CFAP74: variants seen among roughly 807,000 people sequenced by gnomAD.
CFAP74 encodes cilia- and flagella-associated protein 74.
CFAP74 carries 124 observed loss-of-function variants against 188.9 expected under a neutral mutation model. The observed-to-expected ratio is 0.66, with a 90% CI of 0.57 to 0.76. The LOEUF (loss-of-function observed/expected upper bound fraction) is 0.76. CFAP74 is among the 30% of genes least tolerant of loss of function. The probability of loss-of-function intolerance (pLI) is 0.00; values close to 1 mark genes in which losing one functional copy is unlikely to be tolerated. For missense variants in CFAP74, 2,198 were observed against 2,165.2 expected (o/e 1.02, Z -0.30); for synonymous variants, 956 against 916.7 (o/e 1.04, Z -0.77).
At position 1,965,010 on chromosome 1, in the gene CFAP74, T is replaced by C. The variant is rs1473228810; in HGVS notation, c.1453A>G (p.Lys485Glu). 1.2e-6 allele frequency: 2 copies of C among 1,613,876 alleles called. No individual in the cohort carries two copies. The highest frequency in any genetic ancestry group is 8.5e-7 in the Non-Finnish European group (1 of 1,179,900). The change falls in exon 13 of 39, where the codon AAG becomes GAG. Residue 485 changes from lysine (K) to glutamate (E), a missense_variant. Lys to Glu is a moderately conservative substitution (Grantham distance 56, BLOSUM62 1). Transcript: ENST00000682832. ...TCCACCGTGCGCTCCAGGATGTCCT[T>C]GTCCATCTTTGTCCCGCCCACGGGC... is the stretch of plus-strand genomic sequence containing the variant. ...RKPVGGTKMD[K>E]DILERTVERL...
chr1:1,923,145 G>A lies in CFAP74; in HGVS notation c.4523C>T (p.Ala1508Val). The change falls in exon 37 of 39, where the codon GCC becomes GTC. Residue 1508 changes from alanine to valine, a missense_variant and splice_region_variant. Coordinates refer to ENST00000682832, the MANE Select transcript of CFAP74 (RefSeq NM_001304360.2). This position sits in a 1 kb window ranked among gnomAD's most constrained non-coding sequence, Gnocchi z 6.3. ...AGAGAGAGGGCCTGGCCGGGAGCTG[G>A]CTGGAGGGGTGTGGCCAGGGGAGCT... ...IPVFDPRHRE[A>V]SSRPGPLSPE... 6.2e-7 allele frequency: 1 copy of A among 1,606,120 alleles called. No individual in the cohort carries two copies. Among genetic ancestry groups the A allele is most frequent in the East Asian group, 2.2e-5 (1 of 44,760 alleles).
chr1:1,952,835 T>G (rs1304014183), intron 18 of CFAP74, among the ~76,000 whole-genome samples: 3 of 152,064 alleles, frequency 2.0e-5, no homozygotes, highest in Non-Finnish European at 4.4e-5. Context: ...AAAAAAAACT[T>G]TTAGTAGAGA....
rs190518793 is a variant in CFAP74, at chr1:1,966,671, A to G, written c.1246-145T>C. The G allele has an allele frequency of 1.1e-5, 6 of 564,952 alleles. No individual in the cohort carries two copies. In the African/African-American group the frequency reaches 1.2e-4, roughly 11 times the overall value. The allele number at this position is 564,952 out of a possible 1,614,324, so 35.0% of individuals were successfully genotyped here. A position where few individuals can be genotyped will look rare whatever the true frequency, so the allele number is the denominator to read the frequency against. On this transcript the variant is annotated intron_variant, in intron 11 of 38. Transcript: ENST00000682832. ...ACTCTGCATGGAGATAGCGGTGCACACGGTTTTGTAACTTTTTCTACTTGA... is the reference window on the plus strand; with the variant it reads ...ACTCTGCATGGAGATAGCGGTGCACGCGGTTTTGTAACTTTTTCTACTTGA...
chr1:1,963,898 C>G, intron 13 of CFAP74, 31 bp from the exon 14 acceptor site: 1 of 1,454,774 alleles, frequency 6.9e-7, no homozygotes, highest in South Asian at 1.1e-5. Flanking sequence ...AGCTTCAGAG[C>G]GGGTCACAGG....
At chr1:1,948,930 T>TTCC (rs1558014861) in intron 18 of CFAP74, among the ~76,000 whole-genome samples, 1 of 13,712 alleles carries the variant, frequency 7.3e-5, no homozygotes, top group Non-Finnish European at 1.9e-4. Context: ...CCTTCCTTCC[T>TTCC]CTTTCCTCCC....
intron 18 of CFAP74, among the ~76,000 whole-genome samples, chr1:1,952,043 C>T (rs1013793070): frequency 4.6e-5 from 7 of 152,192 alleles, no homozygotes; most frequent in African/African-American, 1.7e-4. Flanking sequence ...CCTCCACCTC[C>T]CCGCTTCAAG....
At chr1:1,930,368 G>A (rs1480927645) in intron 25 of CFAP74, 32 bp from the exon 26 acceptor site, 23 of 1,490,346 alleles carry the variant, frequency 1.5e-5, no homozygotes, top group Middle Eastern at 1.7e-4. Context: ...GCCCTCAGCC[G>A]TGCAGGGCGT....
At chr1:1,978,691 GC>G (rs1396158637) in intron 6 of CFAP74, among the ~76,000 whole-genome samples, 1 of 152,186 alleles carries the variant, frequency 6.6e-6, no homozygotes, top group Non-Finnish European at 1.5e-5. Flanking sequence ...CTTGACTTTA[GC>G]CCAGTGGGAC....
chr1:1,941,483 C>T (rs948203917), intron 22 of CFAP74, among the ~76,000 whole-genome samples: 25 of 152,186 alleles, frequency 1.6e-4, no homozygotes, highest in African/African-American at 6.0e-4. Context: ...CTGGGAAGAG[C>T]CTTGGATTAG....
chr1:1,930,734 A>C (rs1167742580), intron 25 of CFAP74, among the ~76,000 whole-genome samples: 1 of 152,184 alleles, frequency 6.6e-6, no homozygotes, highest in Non-Finnish European at 1.5e-5. Flanking sequence ...CTAAAAATTT[A>C]ATCACAAGTT....
In CFAP74 at chr1:1,925,809, C is replaced by T. The variant is rs140276373; in HGVS notation, c.4078G>A (p.Gly1360Arg). Residue 1360 changes from glycine to arginine, a missense_variant, in exon 33 of 39, where the codon GGA becomes AGA. By Grantham distance (125) the Gly-to-Arg change is moderately radical. Transcript: ENST00000682832. ...SVLNMGYVIA[G>R]ESVSSGFKLQ... ...TTGAAGCCTGAGGACACAGACTCTCCGGCAATCACATAGCCCATGTTGAGG... is the reference window on the plus strand; with the variant it reads ...TTGAAGCCTGAGGACACAGACTCTCTGGCAATCACATAGCCCATGTTGAGG... 4.6e-5 allele frequency: 74 copies of T among 1,612,404 alleles called. No homozygotes were observed. The East Asian group carries it at 6.7e-4, about 15-fold the overall frequency.
intron 15 of CFAP74, 96 bp from the exon 16 acceptor site, chr1:1,959,305 G>A: frequency 3.8e-6 from 3 of 793,784 alleles, no homozygotes; most frequent in Non-Finnish European, 6.2e-6. Context: ...TGGCCAGGCT[G>A]GGGTGCAGTG....
rs767887248 is a variant in CFAP74, at chr1:1,963,818, G to T, written c.1625C>A (p.Thr542Asn). 1 of 1,613,878 alleles carries T rather than the reference G, an allele frequency of 6.2e-7. No homozygotes were observed. Among genetic ancestry groups the T allele is most frequent in the Non-Finnish European group, 8.5e-7 (1 of 1,179,926 alleles). Residue 542 changes from threonine to asparagine, a missense_variant, in exon 14 of 39, where the codon ACC becomes AAC. By Grantham distance (65) the Thr-to-Asn change is moderately conservative (BLOSUM62 0). Coordinates refer to ENST00000682832, the MANE Select transcript of CFAP74 (RefSeq NM_001304360.2). Reference sequence around the variant, plus strand: ...CTTGCAGTAGTTGATCGTGTAGGTGGTGTTTACCAACGTGATCTTTTTCTT... The same window carrying T: ...CTTGCAGTAGTTGATCGTGTAGGTGTTGTTTACCAACGTGATCTTTTTCTT... ...VYKKKITLVN[T>N]TYTINYCKLV...
rs561898535 is a variant in CFAP74, at chr1:1,973,494, C to T, written c.675-447G>A. Among the ~76,000 whole-genome samples the T allele has an allele frequency of 6.6e-6, 1 of 152,054 alleles. No individual in the cohort carries two copies. Among genetic ancestry groups the T allele is most frequent in the South Asian group, 2.1e-4 (1 of 4,822 alleles). ...AGGGGGTCCCGAGGAGAGAGGCTCACGGCAGGTTGGGACAGCTGGCCTGAT... is the reference window on the plus strand; with the variant it reads ...AGGGGGTCCCGAGGAGAGAGGCTCATGGCAGGTTGGGACAGCTGGCCTGAT... On this transcript the variant is annotated intron_variant, in intron 7 of 38. Transcript: ENST00000682832. This position sits in a 1 kb window ranked among gnomAD's most constrained non-coding sequence, Gnocchi z 6.2.
intron 1 of CFAP74, among the ~76,000 whole-genome samples, chr1:1,999,963 A>G (rs1658116304): frequency 6.6e-6 from 1 of 152,168 alleles, no homozygotes. Flanking sequence ...CAGGAGATCA[A>G]GACCATCCTG....
rs1297174222 is a variant in CFAP74, at chr1:1,938,836, CT to C, written c.3011+18del. The C allele has an allele frequency of 6.5e-7, 1 of 1,535,326 alleles. No homozygotes were observed. The highest frequency in any genetic ancestry group is 1.4e-5 in the African/African-American group (1 of 73,048). On this transcript the variant is annotated intron_variant, in intron 25 of 38. Transcript: ENST00000682832. ...GGGCACTCCAGGCCCCCTGCGTCCCCTCTCCCTGGCAGGCTCACCGGTTGAT... is the reference window on the plus strand; with the variant it reads ...GGGCACTCCAGGCCCCCTGCGTCCCCCTCCCTGGCAGGCTCACCGGTTGAT...
chr1:1,938,756 G>T, intron 25 of CFAP74, 99 bp downstream of exon 25: 1 of 1,378,622 alleles, frequency 7.3e-7, no homozygotes, highest in Non-Finnish European at 9.7e-7. Flanking sequence ...CAGCCAGGCA[G>T]ATGGGGTCAG....
intron 28 of CFAP74, chr1:1,927,342 C>T: frequency 1.8e-6 from 1 of 567,104 alleles, no homozygotes; most frequent in Non-Finnish European, 3.1e-6. Flanking sequence ...GCTCATTCTG[C>T]ACCCGGGGGG....
intron 14 of CFAP74, among the ~76,000 whole-genome samples, chr1:1,962,843 C>T (rs547178764): frequency 1.6e-4 from 25 of 152,296 alleles, no homozygotes; most frequent in Non-Finnish European, 2.6e-4. Flanking sequence ...GAACTGAGAT[C>T]GTGCCACTGC....
Sources: allele counts gnomAD v4.1 joint callset (sites outside exome capture counted in the v4.1 genomes callset), GRCh38; gene constraint gnomAD v4.1.1; non-coding constraint Gnocchi (gnomAD v3.1); transcripts MANE v1.5; gene names NCBI Gene and HGNC (gene_info 2026-07-23, HGNC 2026-07-21).